The following POLA1 variants were observed in gnomAD, a reference collection of about 807,000 sequenced individuals.
The protein encoded by POLA1 is DNA polymerase alpha 1, catalytic subunit.
In POLA1, 15 loss-of-function variants were observed where a neutral mutation model predicts 124.0. That is an observed-to-expected ratio of 0.12 (90% CI 0.08 to 0.19). POLA1 has a LOEUF of 0.19. POLA1 is among the 10% of genes least tolerant of loss of function. POLA1 has a pLI of 1.00. For missense variants in POLA1, 886 were observed against 1,103.4 expected (o/e 0.80, Z 2.79); for synonymous variants, 408 against 389.4 (o/e 1.05, Z -0.56).
intron 34 of POLA1, among the ~76,000 whole-genome samples, chrX:24,881,699 C>T (rs989460819): frequency 1.6e-4 from 18 of 111,641 alleles, no homozygotes; most frequent in Non-Finnish European, 1.9e-5. Context: ...AGACAGTGCA[C>T]CGCAGTGTGT....
chrX:24,844,163 A>G lies in POLA1; in HGVS notation c.4047+486A>G, dbSNP rs925490304. ...CTCCATACCCTAGTTTTTTGAGGAA[A>G]TCAAATATCTTTTAAATTTAAATGC... is the stretch of plus-strand genomic sequence containing the variant. On this transcript the variant is annotated intron_variant, in intron 34 of 36. Coordinates refer to ENST00000379068, the MANE Select transcript of POLA1 (RefSeq NM_001330360.2). Among the ~76,000 whole-genome samples, 10 of 111,680 alleles carry G rather than the reference A, an allele frequency of 9.0e-5. No homozygotes were observed. In the Admixed American group the frequency reaches 9.5e-4, roughly 11 times the overall value.
chrX:24,709,185 G>A (rs1929091369), intron 4 of POLA1, among the ~76,000 whole-genome samples: 1 of 86,720 alleles, frequency 1.2e-5, no homozygotes, highest in Non-Finnish European at 2.3e-5. Context: ...GGCTGGCCGG[G>A]CAGGGGGGCT....
intron 35 of POLA1, among the ~76,000 whole-genome samples, chrX:24,926,423 A>G (rs1414966602): frequency 3.6e-5 from 4 of 111,621 alleles, no homozygotes; most frequent in Admixed American, 9.5e-5. Context: ...ATCAAGCCGT[A>G]CACCTAGTAT....
At chrX:24,995,191 G>A (rs745652799) in intron 36 of POLA1, among the ~76,000 whole-genome samples, 3 of 112,207 alleles carry the variant, frequency 2.7e-5, no homozygotes, top group Non-Finnish European at 3.8e-5. Context: ...GGTTAAAGGA[G>A]CAGGAGTGCC....
intron 6 of POLA1, 145 bp downstream of exon 6, chrX:24,715,348 G>C (rs767059450): frequency 1.7e-4 from 63 of 372,958 alleles, no homozygotes; most frequent in Non-Finnish European, 2.6e-4. Flanking sequence ...CTGGTGTGCA[G>C]TGGTGCGATC....
At chrX:24,885,085 A>T (rs2047048981) in intron 34 of POLA1, among the ~76,000 whole-genome samples, 1 of 112,341 alleles carries the variant, frequency 8.9e-6, no homozygotes, top group Non-Finnish European at 1.9e-5. Flanking sequence ...AAAGAACTCT[A>T]TAGTTTTTGA....
chrX:24,924,551 G>A (rs781663286), intron 35 of POLA1, among the ~76,000 whole-genome samples: 1 of 111,752 alleles, frequency 8.9e-6, no homozygotes, highest in East Asian at 2.8e-4. Flanking sequence ...GAGGCTCAAG[G>A]GGTGATAAAA....
Position 24,714,563 on chromosome X carries a change from G to T in POLA1, c.356G>T (p.Gly119Val), listed in dbSNP as rs753240350. ...ATTCATATTCCAATAGGAAAAGATG[G>T]TAAAGCACGCAATAAAGACAAGAGG... ...ALDADEKGKD[G>V]KARNKDKRNV... Residue 119 changes from glycine to valine, a missense_variant, in exon 5 of 37, where the codon GGT becomes GTT. This residue lies in a region of POLA1 where 337 missense variants were observed against 402.8 expected (regional missense o/e 0.84). Transcript: ENST00000379068. 11 of 1,171,571 alleles carry T rather than the reference G, an allele frequency of 9.4e-6. No homozygotes were observed. In the African/African-American group the frequency reaches 1.8e-4, roughly 19 times the overall value.
At chrX:24,907,806 G>A (rs1356654832) in intron 35 of POLA1, among the ~76,000 whole-genome samples, 1 of 112,241 alleles carries the variant, frequency 8.9e-6, no homozygotes, top group East Asian at 2.8e-4. Context: ...AAAATGGGAA[G>A]TATAATAGAC....
At chrX:24,930,241 G>A (rs898058896) in intron 35 of POLA1, among the ~76,000 whole-genome samples, 1 of 111,696 alleles carries the variant, frequency 9.0e-6, no homozygotes, top group African/African-American at 3.3e-5. Flanking sequence ...ATCTATGATC[G>A]AAGTGGCAGG....
intron 36 of POLA1, among the ~76,000 whole-genome samples, chrX:24,967,203 C>T (rs1187693020): frequency 6.6e-5 from 5 of 75,900 alleles, no homozygotes; most frequent in South Asian, 8.7e-4. Context: ...TCCAAGAAGA[C>T]GAAACATATT....
chrX:24,980,603 G>GTGTGTTGCCATATCTAGTGTAAAC, intron 36 of POLA1, among the ~76,000 whole-genome samples: 1 of 110,364 alleles, frequency 9.1e-6, no homozygotes, highest in Non-Finnish European at 1.9e-5. Context: ...GACAGTTTGT[G>GTGTGTTGCCATATCTAGTGTAAAC]TGTGTTGCCA....
At chrX:24,706,951 A>C (rs1225179441) in intron 4 of POLA1, among the ~76,000 whole-genome samples, 2 of 112,714 alleles carry the variant, frequency 1.8e-5, no homozygotes, top group Non-Finnish European at 3.7e-5. Flanking sequence ...ATTACAAAAA[A>C]ATAAGCATAT....
At chrX:24,992,869 T>G (rs2048550898) in intron 36 of POLA1, among the ~76,000 whole-genome samples, 1 of 112,708 alleles carries the variant, frequency 8.9e-6, no homozygotes, top group Non-Finnish European at 1.9e-5. Flanking sequence ...TCATCCCATA[T>G]AGAAAAGAAT....
intron 35 of POLA1, among the ~76,000 whole-genome samples, chrX:24,890,501 TTTTTC>T (rs1414616881): frequency 1.8e-5 from 2 of 112,203 alleles, no homozygotes; most frequent in African/African-American, 6.5e-5. Context: ...CTTAAATGAT[TTTTTC>T]TTTATTTGAC....
Position 24,727,764 on chromosome X carries a change from G to T in POLA1, c.1532-18G>T. ...TTCAGTAAATAGCTATTGATCTGTT[G>T]TATCTATTCTCTTTCAGAGCTCTTG... On this transcript the variant is annotated intron_variant, in intron 14 of 36. Transcript: ENST00000379068. 4.2e-6 allele frequency: 5 copies of T among 1,188,713 alleles called. No individual in the cohort carries two copies. The highest frequency in any genetic ancestry group is 3.6e-5 in the South Asian group (2 of 54,832).
intron 26 of POLA1, among the ~76,000 whole-genome samples, chrX:24,768,947 C>T (rs755702462): frequency 1.8e-5 from 2 of 112,105 alleles, no homozygotes; most frequent in African/African-American, 6.5e-5. Flanking sequence ...TCTTTGGCCT[C>T]TTGTGTGTCC....
intron 26 of POLA1, among the ~76,000 whole-genome samples, chrX:24,779,067 T>C (rs1325722935): frequency 1.8e-5 from 2 of 110,596 alleles, no homozygotes; most frequent in East Asian, 5.6e-4. Context: ...ATTAGACATT[T>C]CTTTCTTTCT....
At chrX:24,788,667 C>G in intron 26 of POLA1, 1 of 1,201,050 alleles carries the variant, frequency 8.3e-7, no homozygotes, top group Non-Finnish European at 1.1e-6. Context: ...GCAACAAGTG[C>G]AGGTTTTTTG....
Sources: gnomAD v4.1 joint callset for allele counts (sites outside exome capture counted in the v4.1 genomes callset) on GRCh38, gnomAD v4.1.1 for gene constraint, gnomAD v4.1.1 regional missense constraint, MANE v1.5 for transcripts, NCBI Gene and HGNC (gene_info 2026-07-23, HGNC 2026-07-21) for gene names.